The following POLR3A variants were observed in gnomAD, a reference collection of about 807,000 sequenced individuals.
POLR3A encodes the protein DNA-directed RNA polymerase III subunit RPC1.
POLR3A carries 112 observed loss-of-function variants against 152.8 expected under a neutral mutation model. The observed-to-expected ratio is 0.73, with a 90% CI of 0.63 to 0.86. POLR3A has a LOEUF of 0.86. POLR3A is among the 40% of genes least tolerant of loss of function. The pLI, the probability that POLR3A is intolerant of heterozygous loss-of-function variation, is 0.00. For synonymous variants in POLR3A, 615 were observed against 652.1 expected, an observed-to-expected ratio of 0.94 and a Z score of 0.87; for missense variants, 1,385 against 1,743.1, an observed-to-expected ratio of 0.79 and a Z score of 3.66.
intron 28 of POLR3A, among the ~76,000 whole-genome samples, 183 bp downstream of exon 28, chr10:77,981,971 A>G (rs1173015992): frequency 2.8e-5 from 4 of 142,228 alleles, no homozygotes; most frequent in African/African-American, 1.1e-4. Context: ...CCCGGGAGGC[A>G]GAGCTTGCAG....
chr10:78,009,422 G>A, intron 14 of POLR3A, 115 bp downstream of exon 14: 4 of 1,435,164 alleles, frequency 2.8e-6, no homozygotes, highest in South Asian at 1.1e-5. Context: ...TCCACCTAAG[G>A]CTTACAGAAA....
intron 21 of POLR3A, among the ~76,000 whole-genome samples, chr10:77,990,824 A>C (rs1847240614): frequency 6.6e-6 from 1 of 151,946 alleles, no homozygotes; most frequent in South Asian, 2.1e-4. Flanking sequence ...GTGTTGGCCA[A>C]TCTGGTTTTG....
intron 10 of POLR3A, among the ~76,000 whole-genome samples, chr10:78,014,425 C>CA (rs1564621263): frequency 1.3e-5 from 2 of 151,252 alleles, no homozygotes; most frequent in Non-Finnish European, 1.5e-5. Context: ...CACTAACCCC[C>CA]TTTTTTTTTG....
Position 78,007,772 on chromosome 10 carries a change from C to A in POLR3A, c.2004G>T (p.Leu668=), listed in dbSNP as rs372455673. ...GSKNNIFYIL[L]RDWGQNEAAD... ...CAGCTTCATTCTGTCCCCAGTCTCGCAGCAAAATGTAAAAAATATTGTTCT... is the reference window on the plus strand; with the variant it reads ...CAGCTTCATTCTGTCCCCAGTCTCGAAGCAAAATGTAAAAAATATTGTTCT... Residue 668 remains leucine (L), a synonymous_variant, in exon 15 of 31, where the codon CTG becomes CTT. Transcript: ENST00000372371. The A allele has an allele frequency of 1.4e-5, 23 of 1,614,016 alleles. No individual in the cohort carries two copies. In the African/African-American group the frequency reaches 2.8e-4, roughly 20 times the overall value.
chr10:78,006,169 G>C (rs1847408838), intron 15 of POLR3A, among the ~76,000 whole-genome samples: 1 of 151,992 alleles, frequency 6.6e-6, no homozygotes, highest in African/African-American at 2.4e-5. Flanking sequence ...GGCCGAGGTG[G>C]GCAGATCACT....
Position 78,026,232 on chromosome 10 carries a change from G to A in POLR3A, c.45-3C>T, listed in dbSNP as rs1847633708. ...TCATTCCAAAACAGATGTGGCTTCT[G>A]GAATGGGAAGAAAAAGGTGAAAATT... On this transcript the variant is annotated splice_region_variant and splice_polypyrimidine_tract_variant and intron_variant, in intron 1 of 30. Transcript: ENST00000372371. 6.2e-7 allele frequency: 1 copy of A among 1,614,138 alleles called. No homozygotes were observed. Among genetic ancestry groups the A allele is most frequent in the Non-Finnish European group, 8.5e-7 (1 of 1,180,008 alleles).
At position 77,984,282 on chromosome 10, in the gene POLR3A, CTGTGA is replaced by C. The variant is rs1328879932; in HGVS notation, c.3254_3258del (p.Ile1085SerfsTer7). 6.2e-7 allele frequency: 1 copy of C among 1,611,696 alleles called. No individual in the cohort carries two copies. On this transcript the variant is annotated frameshift_variant, in exon 25 of 31. Coordinates refer to ENST00000372371, the MANE Select transcript of POLR3A (RefSeq NM_007055.4). LOFTEE classifies it high-confidence loss of function. ...GCGTCGTCATCCTTGTCTAGCTGTG[CTGTGA>C]TAATTGGAGTGCTGTTGAGAAGCAA...
Position 78,000,158 on chromosome 10 carries a change from G to A in POLR3A, c.2479-40C>T, listed in dbSNP as rs763779429. On this transcript the variant is annotated intron_variant, in intron 18 of 30. Coordinates refer to ENST00000372371, the MANE Select transcript of POLR3A (RefSeq NM_007055.4). Reference sequence around the variant, plus strand: ...AAAAAAGAAAAATCAAACAAAAAAAGTTCAAGGCCCACGATTCTGAAATCC... The same window carrying A: ...AAAAAAGAAAAATCAAACAAAAAAAATTCAAGGCCCACGATTCTGAAATCC... 1.9e-4 allele frequency: 299 copies of A among 1,602,786 alleles called. 1 individual carries two copies. The highest frequency in any genetic ancestry group is 4.9e-5 in the Non-Finnish European group (58 of 1,171,934).
intron 21 of POLR3A, among the ~76,000 whole-genome samples, chr10:77,989,133 T>C (rs1352321054): frequency 6.6e-6 from 1 of 152,130 alleles, no homozygotes; most frequent in Non-Finnish European, 1.5e-5. Flanking sequence ...TTTTTGGAAA[T>C]GAAAACTGAA....
intron 15 of POLR3A, among the ~76,000 whole-genome samples, chr10:78,006,761 G>C (rs1056619431): frequency 3.3e-5 from 5 of 152,128 alleles, no homozygotes; most frequent in Non-Finnish European, 5.9e-5. Context: ...CCACACCAAA[G>C]GTATATTGTT....
intron 30 of POLR3A, 80 bp downstream of exon 30, chr10:77,980,061 C>A: frequency 7.4e-7 from 1 of 1,357,870 alleles, no homozygotes; most frequent in South Asian, 1.2e-5. Context: ...CAGTTTTTTT[C>A]ATTCCCTTGG....
chr10:77,984,407 C>T (rs1285902249), intron 24 of POLR3A, 109 bp from the exon 25 acceptor site: 5 of 741,638 alleles, frequency 6.7e-6, no homozygotes, highest in African/African-American at 1.7e-5. Flanking sequence ...TTACTAGCAA[C>T]CCCAGTTTAC....
chr10:78,012,501 G>T (rs1004698651), intron 11 of POLR3A, among the ~76,000 whole-genome samples: 2 of 152,058 alleles, frequency 1.3e-5, no homozygotes, highest in Non-Finnish European at 2.9e-5. Context: ...ATCAGAAATG[G>T]TAATAAGTGA....
chr10:78,029,304 G>A lies in POLR3A; in HGVS notation c.44+60C>T, dbSNP rs952701310. 1.5e-5 allele frequency: 24 copies of A among 1,564,746 alleles called. No individual in the cohort carries two copies. The African/African-American group carries it at 2.6e-4, about 17-fold the overall frequency. ...CTCTGACCCTGCAAGACCCGGGACC[G>A]CTGACCTCGGACCCCTTGCCCTATT... is the stretch of plus-strand genomic sequence containing the variant. On this transcript the variant is annotated intron_variant, in intron 1 of 30. Coordinates refer to ENST00000372371, the MANE Select transcript of POLR3A (RefSeq NM_007055.4).
rs1454607093 is a variant in POLR3A, at chr10:78,022,402, G to A, written c.646-18C>T. The A allele has an allele frequency of 1.9e-6, 3 of 1,612,066 alleles. No homozygotes were observed. The highest frequency in any genetic ancestry group is 2.5e-6 in the Non-Finnish European group (3 of 1,179,876). ...AAGTTTTCCTATGGAAACGAAGAAAGGCAGAAATGGAGATACTATGTTAGT... is the reference window on the plus strand; with the variant it reads ...AAGTTTTCCTATGGAAACGAAGAAAAGCAGAAATGGAGATACTATGTTAGT... On this transcript the variant is annotated intron_variant, in intron 5 of 30. Transcript: ENST00000372371.
chr10:78,019,173 C>G lies in POLR3A; in HGVS notation c.1278G>C (p.Thr426=), dbSNP rs779675895. 6.2e-7 allele frequency: 1 copy of G among 1,610,218 alleles called. No individual in the cohort carries two copies. The highest frequency in any genetic ancestry group is 1.7e-5 in the Admixed American group (1 of 59,998). ...TGGGAAAAGATTACCTTTTCATCTG[C>G]GTATGTCTCTGCTGAATGAAGTTTG... ...PGANFIQQRH[T]QMKRFLKYGN... is the part of the protein sequence containing the mutation. The change falls in exon 9 of 31, where the codon ACG becomes ACC. Residue 426 remains threonine, a synonymous_variant. Transcript: ENST00000372371.
In POLR3A at chr10:78,000,130, T is replaced by C. The variant is rs753975018; in HGVS notation, c.2479-12A>G. On this transcript the variant is annotated splice_polypyrimidine_tract_variant and intron_variant, in intron 18 of 30. Coordinates refer to ENST00000372371, the MANE Select transcript of POLR3A (RefSeq NM_007055.4). ...TTGGCAGCTGGGAGCTAAAGAGAGG[T>C]AGAAAAAAGAAAAATCAAACAAAAA... is the stretch of plus-strand genomic sequence containing the variant. 7 of 1,613,266 alleles carry C rather than the reference T, an allele frequency of 4.3e-6. No homozygotes were observed. In the Admixed American group the frequency reaches 6.7e-5, roughly 15 times the overall value.
rs1352329301 is a variant in POLR3A at position 77,984,229 on chromosome 10, T to C, written c.3312A>G (p.Arg1104=). 1.2e-6 allele frequency: 2 copies of C among 1,610,802 alleles called. No homozygotes were observed. The highest frequency in any genetic ancestry group is 1.7e-6 in the Non-Finnish European group (2 of 1,177,222). Residue 1104 remains arginine (R), a synonymous_variant, in exon 25 of 31, where the codon AGA becomes AGG. Coordinates refer to ENST00000372371, the MANE Select transcript of POLR3A (RefSeq NM_007055.4). The part of the protein sequence containing the change: ...DADYARLVKG[R]IEKTLLGEIS... ...CCTCTCCCAAGAGGGTTTTCTCAAT[T>C]CTCCCTTTCACGAGGCGAGCATAAT... is the stretch of plus-strand genomic sequence containing the variant.
chr10:77,987,086 A>C (rs1418470284), intron 21 of POLR3A, among the ~76,000 whole-genome samples: 1 of 152,168 alleles, frequency 6.6e-6, no homozygotes, highest in Non-Finnish European at 1.5e-5. Context: ...ACAGGGAAGG[A>C]GCACTTACAG....
Sources: gnomAD v4.1 joint callset for allele counts (sites outside exome capture counted in the v4.1 genomes callset) on GRCh38, gnomAD v4.1.1 for gene constraint, MANE v1.5 for transcripts, NCBI Gene and HGNC (gene_info 2026-07-23, HGNC 2026-07-21) for gene names.